The following PCDHGB1 variants were observed in gnomAD, a reference collection of about 807,000 sequenced individuals.
The protein encoded by PCDHGB1 is protocadherin gamma-B1.
In PCDHGB1, 34 loss-of-function variants were observed where a neutral mutation model predicts 56.6. The ratio of observed to expected loss-of-function variants is 0.60; its 90% CI spans 0.46 to 0.80. The LOEUF (loss-of-function observed/expected upper bound fraction) is 0.80, where lower values mean the gene tolerates loss of function less well. Among genes scored for constraint, PCDHGB1 ranks in the 30% least tolerant of loss-of-function variants. PCDHGB1 has a pLI of 0.00. For synonymous variants in PCDHGB1, 561 were observed against 505.9 expected (o/e 1.11, Z -1.46); for missense variants, 1,278 against 1,204.6 (o/e 1.06, Z -0.90).
chr5:141,399,162 C>T (rs1174255078), intron 1 of PCDHGB1: 1 of 1,613,664 alleles, frequency 6.2e-7, no homozygotes, highest in South Asian at 1.1e-5. Context: ...AAGTTACATT[C>T]CATTCTCTAC....
chr5:141,500,036 T>C (rs1001193977), intron 2 of PCDHGB1, among the ~76,000 whole-genome samples: 8 of 152,176 alleles, frequency 5.3e-5, no homozygotes, highest in African/African-American at 1.9e-4. Flanking sequence ...TGAGTGTCTC[T>C]TAAGTATCTT....
intron 1 of PCDHGB1, chr5:141,362,013 G>T (rs781020540): frequency 6.2e-7 from 1 of 1,606,178 alleles, no homozygotes; most frequent in South Asian, 1.1e-5. Context: ...CGGGTGAGGT[G>T]CGCACAGCGC....
chr5:141,388,628 G>T (rs752578230), intron 1 of PCDHGB1: 1 of 1,613,898 alleles, frequency 6.2e-7, no homozygotes, highest in East Asian at 2.2e-5. Flanking sequence ...ACGTATACAG[G>T]GTGAGCCTTT....
At chr5:141,365,298 A>G in intron 1 of PCDHGB1, 1 of 1,613,990 alleles carries the variant, frequency 6.2e-7, no homozygotes, top group Non-Finnish European at 8.5e-7. Context: ...GTAGCTCAGG[A>G]TGGAGGCGCT....
intron 1 of PCDHGB1, among the ~76,000 whole-genome samples, chr5:141,359,492 G>A (rs1040893615): frequency 4.0e-5 from 6 of 149,576 alleles, no homozygotes; most frequent in East Asian, 1.9e-4. Context: ...TTCATATTAC[G>A]GACTACTAGA....
intron 1 of PCDHGB1, among the ~76,000 whole-genome samples, chr5:141,468,759 G>A (rs1202810666): frequency 3.9e-5 from 6 of 151,990 alleles, no homozygotes; most frequent in Admixed American, 2.0e-4. Context: ...CCAGCTACTC[G>A]GGAGGCTGAG....
intron 1 of PCDHGB1, chr5:141,398,760 C>T: frequency 6.2e-7 from 1 of 1,613,898 alleles, no homozygotes; most frequent in Non-Finnish European, 8.5e-7. Flanking sequence ...ATCGTTTAGT[C>T]CTGACTGCCT....
rs186484297 is a variant in PCDHGB1 at position 141,453,739 on chromosome 5, A to G, written c.2410-41068A>G. ...TAAAAATATTTGTTACTACAGCTTA[A>G]ATAACATAAGTCTCCTAAAAATAAT... On this transcript the variant is annotated intron_variant, in intron 1 of 3. Coordinates refer to ENST00000523390, the MANE Select transcript of PCDHGB1 (RefSeq NM_018922.3). Among the ~76,000 whole-genome samples, 2 of 152,370 alleles carry G rather than the reference A, an allele frequency of 1.3e-5. 1 individual carries two copies. Among genetic ancestry groups the G allele is most frequent in the Admixed American group, 1.3e-4 (2 of 15,300 alleles).
intron 1 of PCDHGB1, chr5:141,410,562 C>A (rs748563687): frequency 1.9e-6 from 3 of 1,612,718 alleles, no homozygotes; most frequent in Non-Finnish European, 2.5e-6. Context: ...TCTCCTGGAG[C>A]CTTAATTCCA....
chr5:141,458,970 C>T (rs1260904595), intron 1 of PCDHGB1, among the ~76,000 whole-genome samples: 1 of 152,170 alleles, frequency 6.6e-6, no homozygotes, highest in Admixed American at 6.6e-5. Flanking sequence ...CAGCCTCAAG[C>T]AGTCCTCCTG....
chr5:141,466,020 G>A (rs973577698), intron 1 of PCDHGB1, among the ~76,000 whole-genome samples: 2 of 151,974 alleles, frequency 1.3e-5, no homozygotes, highest in South Asian at 4.1e-4. Context: ...TACTCGGGAG[G>A]GTGAGGCAGG....
chr5:141,478,752 G>A (rs2099475483), intron 1 of PCDHGB1: 2 of 1,521,420 alleles, frequency 1.3e-6, no homozygotes, highest in South Asian at 1.3e-5. Context: ...CATTTCAGGG[G>A]GAAGATACTT....
chr5:141,356,985 CAG>C, intron 1 of PCDHGB1: 1 of 1,614,208 alleles, frequency 6.2e-7, no homozygotes, highest in Non-Finnish European at 8.5e-7. Context: ...TGGCAGTGGA[CAG>C]AGACTCAGGT....
chr5:141,488,518 G>A lies in PCDHGB1; in HGVS notation c.2410-6289G>A, dbSNP rs2233597. On this transcript the variant is annotated intron_variant, in intron 1 of 3. Coordinates refer to ENST00000523390, the MANE Select transcript of PCDHGB1 (RefSeq NM_018922.3). Reference sequence around the variant, plus strand: ...CACTCATTCCACATTTGGGGTCTGGGGTGTCAGAAAAGCTAAGTCCCATGT... The same window carrying A: ...CACTCATTCCACATTTGGGGTCTGGAGTGTCAGAAAAGCTAAGTCCCATGT... Among the ~76,000 whole-genome samples the A allele has an allele frequency of 5.8e-3, 879 of 152,218 alleles. 4 individuals are homozygous for A. The highest frequency in any genetic ancestry group is 0.021 in the African/African-American group (853 of 41,520).
At chr5:141,399,134 A>G (rs2093758534) in intron 1 of PCDHGB1, 6 of 1,613,856 alleles carry the variant, frequency 3.7e-6, no homozygotes, top group Non-Finnish European at 5.1e-6. Flanking sequence ...ATTCAAGATG[A>G]AAATGACAAT....
chr5:141,357,502 C>A (rs1760632616), intron 1 of PCDHGB1: 1 of 1,614,264 alleles, frequency 6.2e-7, no homozygotes, highest in African/African-American at 1.3e-5. Context: ...GAAGAGTCAC[C>A]TGATCTTCTC....
At chr5:141,433,056 G>A (rs1422450948) in intron 1 of PCDHGB1, 1 of 1,614,204 alleles carries the variant, frequency 6.2e-7, no homozygotes, top group South Asian at 1.1e-5. Context: ...TCGCGGAAGA[G>A]TCACCTGATC....
chr5:141,424,353 T>C (rs923306479), intron 1 of PCDHGB1: 1 of 152,246 alleles, frequency 6.6e-6, no homozygotes, highest in African/African-American at 2.4e-5. Flanking sequence ...GGAGATAAAA[T>C]TTAGATCACA....
At chr5:141,372,324 G>T (rs559633972) in intron 1 of PCDHGB1, 3 of 1,613,586 alleles carry the variant, frequency 1.9e-6, no homozygotes, top group African/African-American at 1.3e-5. Flanking sequence ...GCGCCTGCTG[G>T]TCACTGTGCG....
Sources: allele counts gnomAD v4.1 joint callset (sites outside exome capture counted in the v4.1 genomes callset), GRCh38; gene constraint gnomAD v4.1.1; transcripts MANE v1.5; gene names NCBI Gene and HGNC (gene_info 2026-07-23, HGNC 2026-07-21).